TSHZ2: variants seen among roughly 807,000 people sequenced by gnomAD.
TSHZ2 encodes the protein teashirt zinc finger homeobox 2, also known as teashirt homolog 2.
In TSHZ2, 21 loss-of-function variants were observed where a neutral mutation model predicts 74.4. That is an observed-to-expected ratio of 0.28 (90% CI 0.20 to 0.41). TSHZ2 has a LOEUF of 0.41. TSHZ2 is among the 10% of genes least tolerant of loss of function. TSHZ2 has a pLI of 1.00. For synonymous variants in TSHZ2, 540 were observed against 515.3 expected (o/e 1.05, Z -0.65); for missense variants, 1,244 against 1,293.5 (o/e 0.96, Z 0.59).
chr20:53,029,704 A>C (rs1983567512), intron 1 of TSHZ2, among the ~76,000 whole-genome samples: 1 of 152,192 alleles, frequency 6.6e-6, no homozygotes, highest in African/African-American at 2.4e-5. Context: ...GATAAACCAC[A>C]GTTATGCAAT....
At chr20:53,025,798 A>G (rs968882236) in intron 1 of TSHZ2, among the ~76,000 whole-genome samples, 2 of 152,218 alleles carry the variant, frequency 1.3e-5, no homozygotes, top group Admixed American at 6.5e-5. Context: ...AGGGAGACTT[A>G]CTAAAATGTA....
At chr20:53,436,540 T>TTTTG (rs1984080638) in intron 2 of TSHZ2, among the ~76,000 whole-genome samples, 1 of 55,400 alleles carries the variant, frequency 1.8e-5, no homozygotes, top group African/African-American at 7.5e-5. Flanking sequence ...ATTATTATTA[T>TTTTG]TATTATTATT....
intron 1 of TSHZ2, among the ~76,000 whole-genome samples, chr20:53,099,824 C>T (rs962460887): frequency 6.6e-6 from 1 of 152,202 alleles, no homozygotes; most frequent in African/African-American, 2.4e-5. Context: ...TCCCACAACA[C>T]ATGGGAATTA....
intron 2 of TSHZ2, among the ~76,000 whole-genome samples, chr20:53,482,108 T>TAAAAAAAAAAA: frequency 1.3e-5 from 1 of 74,346 alleles, no homozygotes; most frequent in Non-Finnish European, 2.6e-5. Context: ...CTCCATCTCA[T>TAAAAAAAAAAA]AAAAAAAAAA....
At chr20:53,157,744 A>G (rs1301457762) in intron 1 of TSHZ2, among the ~76,000 whole-genome samples, 3 of 152,220 alleles carry the variant, frequency 2.0e-5, no homozygotes, top group African/African-American at 7.2e-5. Context: ...TTCTGCTTTT[A>G]GAGAGAGGGA....
chr20:53,465,242 A>C (rs1985517587), intron 2 of TSHZ2, among the ~76,000 whole-genome samples: 1 of 151,874 alleles, frequency 6.6e-6, no homozygotes, highest in Admixed American at 6.6e-5. Context: ...TAATAATCAA[A>C]TTGGTAAAGG....
chr20:53,278,473 A>C (rs1160777625), intron 2 of TSHZ2, among the ~76,000 whole-genome samples: 1 of 151,962 alleles, frequency 6.6e-6, no homozygotes, highest in Admixed American at 6.6e-5. Context: ...TGTCATTTGA[A>C]GTATACCCTC....
intron 2 of TSHZ2, among the ~76,000 whole-genome samples, chr20:53,338,084 C>T (rs6068514): frequency 9.5e-4 from 144 of 152,328 alleles, no homozygotes; most frequent in Middle Eastern, 6.8e-3. Flanking sequence ...CATAGTGTGT[C>T]CATGAAGTCA....
At chr20:53,358,329 CTTTTTT>C (rs57906027) in intron 2 of TSHZ2, among the ~76,000 whole-genome samples, 2 of 67,044 alleles carry the variant, frequency 3.0e-5, no homozygotes, top group Non-Finnish European at 5.2e-5. Context: ...TTCTGTGGTT[CTTTTTT>C]TTTTTTTTTT....
intron 1 of TSHZ2, among the ~76,000 whole-genome samples, chr20:53,092,680 T>C (rs1223305835): frequency 6.6e-6 from 1 of 152,248 alleles, no homozygotes; most frequent in Non-Finnish European, 1.5e-5. Flanking sequence ...GATAAAATAC[T>C]ACATGAGAAC....
intron 1 of TSHZ2, among the ~76,000 whole-genome samples, chr20:53,016,358 G>C (rs1011023346): frequency 1.3e-5 from 2 of 152,158 alleles, no homozygotes; most frequent in Non-Finnish European, 2.9e-5. Flanking sequence ...AAAAGAACAA[G>C]GTAGGTTCAC....
intron 1 of TSHZ2, among the ~76,000 whole-genome samples, chr20:52,999,100 C>T (rs1003837069): frequency 1.9e-5 from 1 of 53,760 alleles, no homozygotes; most frequent in Non-Finnish European, 5.2e-5. Flanking sequence ...TTCTACTCTT[C>T]ACTGCCACAT....
At chr20:53,105,212 T>C (rs1038523428) in intron 1 of TSHZ2, among the ~76,000 whole-genome samples, 1 of 152,188 alleles carries the variant, frequency 6.6e-6, no homozygotes, top group African/African-American at 2.4e-5. Context: ...AAATTTGCAA[T>C]GCCTTTTTCA....
chr20:53,373,240 T>G (rs1173605702), intron 2 of TSHZ2, among the ~76,000 whole-genome samples: 1 of 152,228 alleles, frequency 6.6e-6, no homozygotes, highest in East Asian at 1.9e-4. Context: ...TTGACTGGTT[T>G]GGTATTTATT....
intron 1 of TSHZ2, among the ~76,000 whole-genome samples, chr20:53,071,320 T>C (rs1985167428): frequency 1.3e-5 from 2 of 152,236 alleles, no homozygotes; most frequent in African/African-American, 4.8e-5. Flanking sequence ...TTAATGTTCA[T>C]TAATTAGTGA....
At chr20:53,098,688 T>G (rs746214593) in intron 1 of TSHZ2, among the ~76,000 whole-genome samples, 1 of 152,250 alleles carries the variant, frequency 6.6e-6, no homozygotes, top group East Asian at 1.9e-4. Context: ...AATTTCCCTC[T>G]CAGTTCCTGC....
intron 1 of TSHZ2, among the ~76,000 whole-genome samples, chr20:53,244,016 A>G (rs543850175): frequency 2.6e-5 from 4 of 152,300 alleles, no homozygotes; most frequent in Non-Finnish European, 5.9e-5. Flanking sequence ...ATTTGCCAAA[A>G]AAAGGAAAAG....
chr20:53,138,179 G>A (rs931054317), intron 1 of TSHZ2, among the ~76,000 whole-genome samples: 6 of 152,136 alleles, frequency 3.9e-5, no homozygotes, highest in African/African-American at 9.6e-5. Context: ...TCAGGAGATC[G>A]CGACCATCCT....
intron 2 of TSHZ2, among the ~76,000 whole-genome samples, chr20:53,342,298 CTTTTT>C (rs150260645): frequency 4.3e-5 from 5 of 115,364 alleles, no homozygotes; most frequent in Non-Finnish European, 5.2e-5. Context: ...TCTTCTCAGG[CTTTTT>C]TTTTTTTTTT....
Sources: allele counts gnomAD v4.1 joint callset (sites outside exome capture counted in the v4.1 genomes callset), GRCh38; gene constraint gnomAD v4.1.1; transcripts MANE v1.5; gene names NCBI Gene and HGNC (gene_info 2026-07-23, HGNC 2026-07-21).